Variants in LGR6 observed in about 807,000 individuals in gnomAD.
LGR6 encodes the protein leucine rich repeat containing G protein-coupled receptor 6, also known as leucine-rich repeat-containing G protein-coupled receptor 6.
In LGR6, 45 loss-of-function variants were observed where a neutral mutation model predicts 69.4. That is an observed-to-expected ratio of 0.65 (90% CI 0.51 to 0.83). LGR6 has a LOEUF of 0.83. Ranked by LOEUF, LGR6 falls within the 40% of genes least tolerant of loss-of-function variation. LGR6 has a pLI of 0.00. For missense variants in LGR6, 1,108 were observed against 1,246.7 expected, an observed-to-expected ratio of 0.89 and a Z score of 1.68; for synonymous variants, 538 against 555.0, an observed-to-expected ratio of 0.97 and a Z score of 0.43.
At chr1:202,203,006 G>C in intron 1 of LGR6, among the ~76,000 whole-genome samples, 1 of 152,154 alleles carries the variant, frequency 6.6e-6, no homozygotes, top group East Asian at 1.9e-4. Flanking sequence ...CTCATGGAGG[G>C]GGAGGAGCAG....
At chr1:202,298,986 G>T (rs1395087367) in intron 7 of LGR6, among the ~76,000 whole-genome samples, 1 of 151,742 alleles carries the variant, frequency 6.6e-6, no homozygotes, top group Non-Finnish European at 1.5e-5. Flanking sequence ...CTGGCCGGGC[G>T]TGGTGGTTCA....
rs570082568 is a variant in LGR6 at position 202,293,565 on chromosome 1, G to A, written c.717-3943G>A. ...TACCCAGCAGAATTCTTTGTGTATT[G>A]CAAGGAGGCAACAAATGTTCATTGC... On this transcript the variant is annotated intron_variant, in intron 6 of 17. Coordinates refer to ENST00000367278, the MANE Select transcript of LGR6 (RefSeq NM_001017403.2). 1.3e-4 allele frequency among the ~76,000 whole-genome samples: 20 copies of A among 151,798 alleles called. No individual in the cohort carries two copies. In the South Asian group the frequency reaches 4.0e-3, roughly 30 times the overall value.
intron 9 of LGR6, among the ~76,000 whole-genome samples, chr1:202,301,977 C>T (rs1667633647): frequency 6.6e-6 from 1 of 152,062 alleles, no homozygotes; most frequent in African/African-American, 2.4e-5. Flanking sequence ...CGAGATCGCG[C>T]CATTGCACTC....
intron 1 of LGR6, chr1:202,214,174 G>A (rs1383532097): frequency 6.5e-7 from 1 of 1,528,212 alleles, no homozygotes; most frequent in Non-Finnish European, 8.7e-7. Flanking sequence ...GAGGGAGAGG[G>A]CCGCTCAGCG....
chr1:202,318,204 C>G lies in LGR6; in HGVS notation c.1901C>G (p.Ala634Gly). 4.3e-6 allele frequency: 7 copies of G among 1,612,898 alleles called. No individual in the cohort carries two copies. Among genetic ancestry groups the G allele is most frequent in the Non-Finnish European group, 5.9e-6 (7 of 1,179,928 alleles). ...LTFGQFSEYG[A>G]RWETGLGCRA... ...TTTGGTCAGTTCTCTGAGTACGGAG[C>G]CCGCTGGGAGACGGGGCTAGGCTGC... is the stretch of plus-strand genomic sequence containing the variant. The change falls in exon 18 of 18, where the codon GCC becomes GGC. Residue 634 changes from alanine (A) to glycine (G), a missense_variant. By Grantham distance (60) the Ala-to-Gly change is moderately conservative. Coordinates refer to ENST00000367278, the MANE Select transcript of LGR6 (RefSeq NM_001017403.2).
At position 202,318,320 on chromosome 1, in the gene LGR6, T is replaced by C; in HGVS notation, c.2017T>C (p.Cys673Arg). Residue 673 changes from cysteine (C) to arginine (R), a missense_variant, in exon 18 of 18, where the codon TGT (cysteine) becomes CGT (arginine). Coordinates refer to ENST00000367278, the MANE Select transcript of LGR6 (RefSeq NM_001017403.2). ...AAVQCSVSVS[C>R]VRAYGKSPSL... ...AGTGCAGTGCAGCGTCTCCGTCTCC[T>C]GTGTCCGGGCCTATGGGAAGTCCCC... 1.3e-6 allele frequency: 2 copies of C among 1,593,408 alleles called. No homozygotes were observed. Among genetic ancestry groups the C allele is most frequent in the Non-Finnish European group, 1.7e-6 (2 of 1,169,004 alleles).
intron 4 of LGR6, among the ~76,000 whole-genome samples, chr1:202,262,370 C>G (rs1187906628): frequency 2.0e-5 from 3 of 152,044 alleles, no homozygotes; most frequent in Admixed American, 6.5e-5. Flanking sequence ...GCTTGTTTTT[C>G]TCAGGTTTGT....
chr1:202,270,985 G>A (rs1206469979), intron 4 of LGR6, among the ~76,000 whole-genome samples: 1 of 152,184 alleles, frequency 6.6e-6, no homozygotes. Context: ...AAGCAAGCCC[G>A]AACTGGCCTG....
intron 3 of LGR6, 49 bp downstream of exon 3, chr1:202,228,056 G>C: frequency 1.5e-6 from 2 of 1,368,270 alleles, no homozygotes; most frequent in Non-Finnish European, 2.1e-6. Flanking sequence ...CACTGAGAAT[G>C]GTGAGCAAAT....
At position 202,215,175 on chromosome 1, in the gene LGR6, C is replaced by A. The variant is rs80164440; in HGVS notation, c.213-10248C>A. On this transcript the variant is annotated intron_variant, in intron 1 of 17. Transcript: ENST00000367278. ...AGGGCTTTCTCCAGTTTTCCACCCC[C>A]AGACACACCCTGCCTGTTTATCCAT... Among the ~76,000 whole-genome samples the A allele has an allele frequency of 6.0e-3, 919 of 152,184 alleles. 9 individuals carry two copies. Among genetic ancestry groups the A allele is most frequent in the African/African-American group, 0.021 (872 of 41,500 alleles).
intron 6 of LGR6, among the ~76,000 whole-genome samples, chr1:202,284,066 G>A (rs555732357): frequency 6.6e-6 from 1 of 152,238 alleles, no homozygotes; most frequent in African/African-American, 2.4e-5. Context: ...TTTGGGCAGG[G>A]TTCAGGGGAT....
chr1:202,227,410 A>G (rs190766889), intron 2 of LGR6, among the ~76,000 whole-genome samples: 11 of 152,290 alleles, frequency 7.2e-5, no homozygotes, highest in Admixed American at 2.0e-4. Context: ...ATTAGACCAG[A>G]ATGTTAGATG....
intron 1 of LGR6, among the ~76,000 whole-genome samples, chr1:202,206,362 C>T (rs775864797): frequency 1.8e-4 from 27 of 152,324 alleles, no homozygotes; most frequent in South Asian, 4.1e-4. Flanking sequence ...GAGTCAGAGC[C>T]GGGAACCAGA....
intron 1 of LGR6, among the ~76,000 whole-genome samples, chr1:202,211,842 C>A (rs1484318687): frequency 3.9e-5 from 6 of 152,114 alleles, no homozygotes; most frequent in Non-Finnish European, 7.4e-5. Context: ...CTGGTCACTA[C>A]CCACCCCCAC....
At chr1:202,198,717 C>G (rs1658731801) in intron 1 of LGR6, among the ~76,000 whole-genome samples, 1 of 146,112 alleles carries the variant, frequency 6.8e-6, no homozygotes. Context: ...TCTGAAAATC[C>G]AGGGAGGGGA....
rs545647255 is a variant in LGR6 at position 202,204,329 on chromosome 1, A to C, written c.212+10128A>C. 2.9e-3 allele frequency among the ~76,000 whole-genome samples: 307 copies of C among 107,136 alleles called. 2 individuals are homozygous for C. Among genetic ancestry groups the C allele is most frequent in the South Asian group, 0.015 (49 of 3,214 alleles). The allele number at this position is 107,136 out of a possible 152,430, so 70.3% of individuals were successfully genotyped here. On this transcript the variant is annotated intron_variant, in intron 1 of 17. Transcript: ENST00000367278. ...ACACACCCAACACACACCTCCTCCT[A>C]ACACACACACCTCCACACACACACA...
Position 202,276,611 on chromosome 1 carries a change from G to A in LGR6, c.644+90G>A. On this transcript the variant is annotated intron_variant, in intron 5 of 17. Coordinates refer to ENST00000367278, the MANE Select transcript of LGR6 (RefSeq NM_001017403.2). ...CTTGAGTTGGATTGGAGCCTGGCTAGCTTTGCTCTTCTTTGCATGTTGCTA... is the reference window on the plus strand; with the variant it reads ...CTTGAGTTGGATTGGAGCCTGGCTAACTTTGCTCTTCTTTGCATGTTGCTA... 5.4e-6 allele frequency: 6 copies of A among 1,111,946 alleles called. No homozygotes were observed. In the South Asian group the frequency reaches 7.4e-5, roughly 14 times the overall value. 68.9% of individuals were successfully genotyped at this position (1,111,946 alleles called of 1,614,324 possible).
intron 1 of LGR6, among the ~76,000 whole-genome samples, chr1:202,223,141 C>T (rs954726030): frequency 1.3e-5 from 2 of 152,160 alleles, no homozygotes; most frequent in African/African-American, 4.8e-5. Flanking sequence ...TTCTGCCTCT[C>T]TCCCACCTGA....
intron 3 of LGR6, among the ~76,000 whole-genome samples, chr1:202,232,415 T>C (rs903180940): frequency 6.6e-6 from 1 of 152,226 alleles, no homozygotes; most frequent in Non-Finnish European, 1.5e-5. Context: ...AACGGCTGCA[T>C]GTTAGAGTCA....
Sources: gnomAD v4.1 joint callset for allele counts (sites outside exome capture counted in the v4.1 genomes callset) on GRCh38, gnomAD v4.1.1 for gene constraint, MANE v1.5 for transcripts, NCBI Gene and HGNC (gene_info 2026-07-23, HGNC 2026-07-21) for gene names.